The following ZC3H12B variants were observed in gnomAD, a reference collection of about 807,000 sequenced individuals.
ZC3H12B encodes zinc finger CCCH-type containing 12B.
Under a neutral mutation model 43.9 loss-of-function variants are expected in ZC3H12B, and 7 were observed. The ratio of observed to expected loss-of-function variants is 0.16; its 90% CI spans 0.09 to 0.30. The LOEUF is 0.30. ZC3H12B is among the 10% of genes least tolerant of loss of function. The probability of loss-of-function intolerance (pLI) is 1.00; values close to 1 mark genes in which losing one functional copy is unlikely to be tolerated. For missense variants in ZC3H12B, 475 were observed against 670.2 expected, an observed-to-expected ratio of 0.71 and a Z score of 3.22; for synonymous variants, 222 against 241.7, an observed-to-expected ratio of 0.92 and a Z score of 0.76.
chrX:65,323,278 T>G, the ZC3H12B span, among the ~76,000 whole-genome samples: 1 of 112,035 alleles, frequency 8.9e-6, no homozygotes, highest in Non-Finnish European at 1.9e-5. Flanking sequence ...TGTTGTTGCC[T>G]TATCATATAC....
At chrX:65,370,469 A>G (rs1024932849) in intron 2 of ZC3H12B, among the ~76,000 whole-genome samples, 1 of 112,217 alleles carries the variant, frequency 8.9e-6, no homozygotes, top group Non-Finnish European at 1.9e-5. Context: ...AGTACTTTGT[A>G]GGCAATAACA....
the ZC3H12B span, among the ~76,000 whole-genome samples, chrX:65,054,235 G>A: frequency 8.9e-6 from 1 of 111,923 alleles, no homozygotes; most frequent in East Asian, 2.8e-4. Context: ...AGTTTTTATG[G>A]TTTTAGGTCT....
the ZC3H12B span, among the ~76,000 whole-genome samples, chrX:65,319,927 A>T: frequency 1.8e-5 from 2 of 111,859 alleles, 1 homozygote; most frequent in Non-Finnish European, 3.8e-5. Flanking sequence ...ATACCTCAAA[A>T]TAATAAGAAC....
chrX:65,066,022 A>C, the ZC3H12B span, among the ~76,000 whole-genome samples: 1 of 107,939 alleles, frequency 9.3e-6, no homozygotes, highest in African/African-American at 3.4e-5. Flanking sequence ...TAAACTGGTT[A>C]TTCTAGTTAG....
Position 65,377,388 on chromosome X carries a change from GA to G in ZC3H12B, n.295+8397del, listed in dbSNP as rs758181004. 2.2e-3 allele frequency among the ~76,000 whole-genome samples: 237 copies of G among 110,024 alleles called. 2 individuals are homozygous for G. The highest frequency in any genetic ancestry group is 7.2e-3 in the African/African-American group (219 of 30,308). ...TAACACAGAACTTACCAAACCTGGG[GA>G]AAAAAATCGATATCTAAGTACAAGA... On this transcript the variant is annotated intron_variant and non_coding_transcript_variant, in intron 2 of 5. Transcript: ENST00000617377.
chrX:65,093,290 G>A, the ZC3H12B span, among the ~76,000 whole-genome samples: 5 of 112,047 alleles, frequency 4.5e-5, no homozygotes, highest in African/African-American at 1.3e-4. Context: ...CCTCTGCTAG[G>A]GCAGTGCAGA....
chrX:65,382,841 C>T (rs1326804546), intron 2 of ZC3H12B, among the ~76,000 whole-genome samples: 1 of 111,324 alleles, frequency 9.0e-6, no homozygotes, highest in Non-Finnish European at 1.9e-5. Context: ...CATGAGTGAA[C>T]TCCCATTCAC....
chrX:65,256,157 G>A, the ZC3H12B span, among the ~76,000 whole-genome samples: 16 of 111,761 alleles, frequency 1.4e-4, no homozygotes, highest in Non-Finnish European at 2.8e-4. Context: ...AGATATTTGG[G>A]ACCTGATCTT....
chrX:65,121,456 C>A, the ZC3H12B span, among the ~76,000 whole-genome samples: 1 of 111,710 alleles, frequency 9.0e-6, no homozygotes, highest in Non-Finnish European at 1.9e-5. Flanking sequence ...TTATAGTATT[C>A]TCTGATGGTA....
chrX:65,443,374 C>T (rs1445791562), intron 3 of ZC3H12B, among the ~76,000 whole-genome samples: 1 of 111,016 alleles, frequency 9.0e-6, no homozygotes, highest in African/African-American at 3.3e-5. Context: ...AGACCCTAAC[C>T]TAGAGGCCGA....
upstream of ZC3H12B, among the ~76,000 whole-genome samples, chrX:65,486,690 G>T (rs189441976): frequency 3.6e-5 from 4 of 112,228 alleles, no homozygotes; most frequent in Admixed American, 9.5e-5. Context: ...TTCAATAAGG[G>T]TTTCCTATGT....
exon 5 of ZC3H12B, chrX:65,506,352 C>T (rs1055480838): frequency 8.9e-6 from 1 of 112,304 alleles, no homozygotes; most frequent in Non-Finnish European, 1.9e-5. Flanking sequence ...CAGCATGGTT[C>T]CTAGTTATTA....
At chrX:65,080,940 A>G in the ZC3H12B span, among the ~76,000 whole-genome samples, 3 of 110,882 alleles carry the variant, frequency 2.7e-5, no homozygotes, top group African/African-American at 9.8e-5. Flanking sequence ...CATAGACAGT[A>G]TAATAAGATA....
chrX:65,499,350 T>A, intron 3 of ZC3H12B, 117 bp downstream of exon 8: 1 of 562,639 alleles, frequency 1.8e-6, no homozygotes. Context: ...GCCACACAGA[T>A]AAAAGGATGA....
the ZC3H12B span, among the ~76,000 whole-genome samples, chrX:65,283,172 T>C: frequency 6.3e-5 from 7 of 110,518 alleles, no homozygotes; most frequent in South Asian, 1.2e-3. Context: ...GTTCAACATA[T>C]GAAAATCAAT....
chrX:65,236,700 C>T, the ZC3H12B span, among the ~76,000 whole-genome samples: 12 of 112,001 alleles, frequency 1.1e-4, no homozygotes, highest in Non-Finnish European at 3.8e-5. Context: ...TAAGTCTTTA[C>T]TCCATCTTGA....
intron 3 of ZC3H12B, among the ~76,000 whole-genome samples, chrX:65,406,744 G>A (rs2066832919): frequency 8.9e-6 from 1 of 112,160 alleles, no homozygotes; most frequent in Non-Finnish European, 1.9e-5. Flanking sequence ...TGCAGGAGCA[G>A]CAGCAGCAGA....
the ZC3H12B span, among the ~76,000 whole-genome samples, chrX:65,151,629 T>C: frequency 2.7e-5 from 3 of 111,776 alleles, no homozygotes; most frequent in Non-Finnish European, 1.9e-5. Flanking sequence ...TGTGGTTTTT[T>C]TCTTCAATTT....
At chrX:65,371,673 T>A (rs1440545993) in intron 2 of ZC3H12B, among the ~76,000 whole-genome samples, 1 of 112,290 alleles carries the variant, frequency 8.9e-6, no homozygotes, top group Non-Finnish European at 1.9e-5. Context: ...TATTAATGCA[T>A]CTTTCAGAGC....
Sources: allele counts gnomAD v4.1 joint callset (sites outside exome capture counted in the v4.1 genomes callset), GRCh38; gene constraint gnomAD v4.1.1; transcripts MANE v1.5; gene names NCBI Gene and HGNC (gene_info 2026-07-23, HGNC 2026-07-21).